COL28A1: variants seen among roughly 807,000 people sequenced by gnomAD.
The protein encoded by COL28A1 is collagen type XXVIII alpha 1 chain, also known as collagen alpha-1(XXVIII) chain.
COL28A1 carries 161 observed loss-of-function variants against 150.2 expected under a neutral mutation model. The ratio of observed to expected loss-of-function variants is 1.07; its 90% CI spans 0.94 to 1.22. The LOEUF is 1.22. Among genes scored for constraint, COL28A1 ranks in the 50% most tolerant of loss-of-function variants. The pLI, the probability that COL28A1 is intolerant of heterozygous loss-of-function variation, is 0.00. For missense variants in COL28A1, 1,617 were observed against 1,388.3 expected, an observed-to-expected ratio of 1.16 and a Z score of -2.62; for synonymous variants, 552 against 469.7, an observed-to-expected ratio of 1.18 and a Z score of -2.26.
intron 13 of COL28A1, among the ~76,000 whole-genome samples, chr7:7,483,048 A>G (rs1001969259): frequency 6.6e-6 from 1 of 152,214 alleles, no homozygotes; most frequent in African/African-American, 2.4e-5. Flanking sequence ...ACTTAGACAG[A>G]CAGTCTCCAA....
At chr7:7,421,111 G>A (rs1032605024) in intron 25 of COL28A1, among the ~76,000 whole-genome samples, 5 of 152,140 alleles carry the variant, frequency 3.3e-5, no homozygotes, top group South Asian at 2.1e-4. Flanking sequence ...ACTGGTGAAT[G>A]GACAAAGTGC....
intron 23 of COL28A1, among the ~76,000 whole-genome samples, chr7:7,433,428 G>A (rs1259563495): frequency 6.6e-6 from 1 of 152,110 alleles, no homozygotes; most frequent in Non-Finnish European, 1.5e-5. Context: ...CAGGTCAGGA[G>A]TTCAAGACCA....
intron 32 of COL28A1, among the ~76,000 whole-genome samples, chr7:7,371,271 G>A (rs1382428792): frequency 1.3e-5 from 2 of 152,162 alleles, no homozygotes; most frequent in African/African-American, 4.8e-5. Context: ...CAGATATAAT[G>A]ATAAAGCTCT....
At chr7:7,382,284 T>C (rs966854958) in intron 27 of COL28A1, among the ~76,000 whole-genome samples, 1 of 151,502 alleles carries the variant, frequency 6.6e-6, no homozygotes, top group Non-Finnish European at 1.5e-5. Context: ...CACTCCAGCC[T>C]GGGCAACAAG....
At chr7:7,480,880 T>G (rs1044656434) in intron 13 of COL28A1, among the ~76,000 whole-genome samples, 10 of 152,170 alleles carry the variant, frequency 6.6e-5, no homozygotes, top group Non-Finnish European at 1.2e-4. Flanking sequence ...AACAAGTAAG[T>G]CAATCTCTGC....
chr7:7,415,383 C>T (rs181578579), intron 27 of COL28A1, among the ~76,000 whole-genome samples: 4 of 152,304 alleles, frequency 2.6e-5, no homozygotes, highest in Admixed American at 2.0e-4. Flanking sequence ...CAGTTCCCTC[C>T]CTTTTGCAGT....
At position 7,381,617 on chromosome 7, in the gene COL28A1, A is replaced by C. The variant is rs1224326015; in HGVS notation, c.2137-5T>G. The C allele has an allele frequency of 5.0e-6, 8 of 1,609,442 alleles. No homozygotes were observed. The highest frequency in any genetic ancestry group is 6.8e-6 in the Non-Finnish European group (8 of 1,175,840). On this transcript the variant is annotated splice_region_variant and splice_polypyrimidine_tract_variant and intron_variant, in intron 27 of 34. Transcript: ENST00000399429. ...GCCTTGTGGTCCTTGTTCCCCCTAC[A>C]TAGGATATGAGAAAGAGATGTTCTA...
chr7:7,452,852 T>C (rs1786819641), intron 17 of COL28A1, among the ~76,000 whole-genome samples: 1 of 152,170 alleles, frequency 6.6e-6, no homozygotes, highest in South Asian at 2.1e-4. Flanking sequence ...CACGGACAGC[T>C]CTAGGGAGTG....
At chr7:7,479,488 T>C (rs1187789987) in intron 13 of COL28A1, among the ~76,000 whole-genome samples, 1 of 152,050 alleles carries the variant, frequency 6.6e-6, no homozygotes, top group East Asian at 1.9e-4. Context: ...ATCAGGGGAG[T>C]GCTGTGAAGA....
chr7:7,508,675 G>C lies in COL28A1; in HGVS notation c.928-1514C>G, dbSNP rs527643357. Among the ~76,000 whole-genome samples, 6 of 152,266 alleles carry C rather than the reference G, an allele frequency of 3.9e-5. No individual in the cohort carries two copies. The East Asian group carries it at 1.2e-3, about 29-fold the overall frequency. On this transcript the variant is annotated intron_variant, in intron 9 of 34. Transcript: ENST00000399429. ...TACTTTTGTATGTTTGCTTTTGGTT[G>C]CTGGTGTTGTTGTTGTTGTTGTTTG...
At chr7:7,367,741 G>A (rs535114407) in intron 33 of COL28A1, among the ~76,000 whole-genome samples, 4 of 150,206 alleles carry the variant, frequency 2.7e-5, no homozygotes, top group African/African-American at 9.8e-5. Flanking sequence ...TCCTCATTAC[G>A]TGTCATAACT....
intron 11 of COL28A1, among the ~76,000 whole-genome samples, chr7:7,496,731 A>G (rs1304569365): frequency 2.0e-5 from 3 of 152,248 alleles, no homozygotes; most frequent in African/African-American, 7.2e-5. Context: ...AGAACTTTAC[A>G]CTTTTTTTGA....
downstream of COL28A1, among the ~76,000 whole-genome samples, chr7:7,351,232 T>G (rs1017016086): frequency 2.6e-5 from 4 of 152,128 alleles, no homozygotes; most frequent in African/African-American, 9.7e-5. Context: ...GAGGATAGGA[T>G]GGTAAAAGAG....
chr7:7,440,788 AC>A lies in COL28A1; in HGVS notation c.1722+1del. On this transcript the variant is annotated splice_donor_variant, in intron 21 of 34. Coordinates refer to ENST00000399429, the MANE Select transcript of COL28A1 (RefSeq NM_001037763.3). LOFTEE classifies it high-confidence loss of function. Reference sequence around the variant, plus strand: ...GCGTAAGTCAGAATACAAGAAACATACCTTTGGTCCTTCGGGCCCTGGAAGT... The same window carrying A: ...GCGTAAGTCAGAATACAAGAAACATACTTTGGTCCTTCGGGCCCTGGAAGT... 7.3e-7 allele frequency: 1 copy of A among 1,375,170 alleles called. No individual in the cohort carries two copies. 85.2% of individuals were successfully genotyped at this position (1,375,170 alleles called of 1,614,324 possible). A position where few individuals can be genotyped will look rare whatever the true frequency, so the allele number is the denominator to read the frequency against.
Position 7,489,446 on chromosome 7 carries a change from G to A in COL28A1, c.1107C>T (p.Gly369=). 7.2e-7 allele frequency: 1 copy of A among 1,391,892 alleles called. No individual in the cohort carries two copies. Among genetic ancestry groups the A allele is most frequent in the Non-Finnish European group, 1.0e-6 (1 of 976,968 alleles). The allele number at this position is 1,391,892 out of a possible 1,614,324, so 86.2% of individuals were successfully genotyped here. Residue 369 remains glycine, a synonymous_variant, in exon 13 of 35, where the codon GGC becomes GGT. Transcript: ENST00000399429. Reference sequence around the variant, plus strand: ...CTGGAGCTCCCGGTCTTCCTTCTTGGCCTCTTTCTCCCTAAGAGAAAGAAA... The same window carrying A: ...CTGGAGCTCCCGGTCTTCCTTCTTGACCTCTTTCTCCCTAAGAGAAAGAAA... The part of the protein sequence containing the change: ...IGQQGIKGER[G]QEGRPGAPGP...
intron 33 of COL28A1, among the ~76,000 whole-genome samples, chr7:7,366,824 A>T (rs1408162539): frequency 1.3e-5 from 2 of 152,260 alleles, no homozygotes; most frequent in Admixed American, 1.3e-4. Context: ...GGGTAGGCTC[A>T]GGAAGGATCT....
In COL28A1 at chr7:7,520,104, TC is replaced by T; in HGVS notation, c.770del (p.Gly257GlufsTer49). On this transcript the variant is annotated frameshift_variant, in exon 6 of 35. Transcript: ENST00000399429. LOFTEE classifies it high-confidence loss of function. ...CTCGCTCACCTTTGATACCTGGATT[TC>T]CATGTGTACCCTGAAGGCAAAGGGA... The part of the protein sequence containing the change: ...PGDPGPPGTH[G>X]NPGIKGERGP... The T allele has an allele frequency of 7.3e-7, 1 of 1,369,606 alleles. No individual in the cohort carries two copies. The highest frequency in any genetic ancestry group is 1.0e-6 in the Non-Finnish European group (1 of 957,990). 84.8% of individuals were successfully genotyped at this position (1,369,606 alleles called of 1,614,324 possible). A position where few individuals can be genotyped will look rare whatever the true frequency, so the allele number is the denominator to read the frequency against.
intron 15 of COL28A1, among the ~76,000 whole-genome samples, chr7:7,458,417 CA>C (rs780945367): frequency 1.4e-5 from 2 of 141,826 alleles, no homozygotes; most frequent in South Asian, 2.2e-4. Flanking sequence ...ACTCTTGTCT[CA>C]AAAAAAAACA....
chr7:7,442,290 AGTT>A (rs944854583), intron 20 of COL28A1, among the ~76,000 whole-genome samples: 16 of 152,258 alleles, frequency 1.1e-4, no homozygotes, highest in African/African-American at 3.9e-4. Context: ...TATTCTGTAG[AGTT>A]GTTGTTCTCC....
Sources: gnomAD v4.1 joint callset for allele counts (sites outside exome capture counted in the v4.1 genomes callset) on GRCh38, gnomAD v4.1.1 for gene constraint, MANE v1.5 for transcripts, NCBI Gene and HGNC (gene_info 2026-07-23, HGNC 2026-07-21) for gene names.